SLC67A2: variants seen among roughly 807,000 people sequenced by gnomAD.
SLC67A2 encodes the protein solute carrier family 67 member A2.
the SLC67A2 span, among the ~76,000 whole-genome samples, chr2:102,720,097 C>A: frequency 1.3e-5 from 2 of 152,198 alleles, no homozygotes; most frequent in Non-Finnish European, 2.9e-5. Flanking sequence ...CATTCTAGGA[C>A]ATCCCTCCAA....
At chr2:102,736,515 T>C in the SLC67A2 span, 7 of 1,585,698 alleles carry the variant, frequency 4.4e-6, no homozygotes, top group Admixed American at 1.8e-5. Flanking sequence ...GCTTGATAGG[T>C]AGTGAGGCAC....
chr2:102,720,512 C>T, the SLC67A2 span, among the ~76,000 whole-genome samples: 144 of 152,222 alleles, frequency 9.5e-4, no homozygotes, highest in African/African-American at 2.4e-3. Flanking sequence ...TCATGGAGTT[C>T]GTAAGTGTGA....
the SLC67A2 span, chr2:102,736,617 T>G: frequency 1.9e-6 from 3 of 1,613,542 alleles, no homozygotes; most frequent in Non-Finnish European, 2.5e-6. Context: ...CAGTCAGCAC[T>G]TGCTCCCAGC....
the SLC67A2 span, chr2:102,736,844 G>T: frequency 1.9e-6 from 3 of 1,571,870 alleles, no homozygotes; most frequent in Non-Finnish European, 2.6e-6. Flanking sequence ...CGCAGCAGCA[G>T]CCGCGGACCT....
At chr2:102,719,366 T>C in the SLC67A2 span, among the ~76,000 whole-genome samples, 1 of 152,216 alleles carries the variant, frequency 6.6e-6, no homozygotes, top group African/African-American at 2.4e-5. Context: ...TCACCATTCC[T>C]ATGGCTTTAT....
the SLC67A2 span, chr2:102,716,960 A>G: frequency 6.6e-6 from 1 of 152,360 alleles, no homozygotes; most frequent in East Asian, 1.9e-4. Flanking sequence ...TTAGACAAGA[A>G]ATGGCACATC....
chr2:102,726,205 A>G, the SLC67A2 span, among the ~76,000 whole-genome samples: 3 of 152,228 alleles, frequency 2.0e-5, no homozygotes, highest in Admixed American at 2.0e-4. Flanking sequence ...AAAGGAGGCC[A>G]CAGGAAAGCT....
the SLC67A2 span, chr2:102,736,582 C>T: frequency 6.2e-7 from 1 of 1,612,992 alleles, no homozygotes; most frequent in South Asian, 1.1e-5. Context: ...GCTCCAAGAA[C>T]CGCCTGGGTC....
the SLC67A2 span, among the ~76,000 whole-genome samples, chr2:102,734,281 G>A: frequency 6.6e-6 from 1 of 152,150 alleles, no homozygotes; most frequent in Non-Finnish European, 1.5e-5. Flanking sequence ...AAGCTGATGG[G>A]ATGGAAAACA....
At chr2:102,714,917 G>A in the SLC67A2 span, among the ~76,000 whole-genome samples, 1 of 152,104 alleles carries the variant, frequency 6.6e-6, no homozygotes, top group Non-Finnish European at 1.5e-5. Flanking sequence ...TTTTCTGACT[G>A]GACTGATTCT....
chr2:102,717,125 C>T, the SLC67A2 span: 1 of 152,316 alleles, frequency 6.6e-6, no homozygotes, highest in South Asian at 2.1e-4. Flanking sequence ...CTCCGCCTCC[C>T]AGGTTCACGC....
chr2:102,719,304 A>G, the SLC67A2 span: 1 of 1,251,088 alleles, frequency 8.0e-7, no homozygotes, highest in Non-Finnish European at 1.1e-6. Flanking sequence ...TTAGATTACT[A>G]ATCTATATTT....
chr2:102,723,871 G>T, the SLC67A2 span: 1 of 1,614,086 alleles, frequency 6.2e-7, no homozygotes, highest in Admixed American at 1.7e-5. Flanking sequence ...ACATCAGAAA[G>T]TAGAGCCCTT....
chr2:102,719,150 A>T, the SLC67A2 span: 1 of 1,614,156 alleles, frequency 6.2e-7, no homozygotes, highest in East Asian at 2.2e-5. Flanking sequence ...TCGCAATGGC[A>T]GGCCCTTCTC....
the SLC67A2 span, among the ~76,000 whole-genome samples, chr2:102,722,157 T>C: frequency 6.6e-6 from 1 of 152,328 alleles, no homozygotes; most frequent in Non-Finnish European, 1.5e-5. Context: ...TGAAGAAAAT[T>C]AAGCTCTTTT....
the SLC67A2 span, among the ~76,000 whole-genome samples, chr2:102,724,546 G>A: frequency 4.7e-3 from 711 of 152,322 alleles, 1 homozygote; most frequent in South Asian, 0.016. Flanking sequence ...TATCTCTGCA[G>A]ATGGATTTGA....
At chr2:102,736,583 C>G in the SLC67A2 span, 23 of 1,612,904 alleles carry the variant, frequency 1.4e-5, no homozygotes, top group Non-Finnish European at 1.9e-5. Flanking sequence ...CTCCAAGAAC[C>G]GCCTGGGTCC....
At chr2:102,736,799 C>G in the SLC67A2 span, 1 of 1,610,392 alleles carries the variant, frequency 6.2e-7, no homozygotes, top group Non-Finnish European at 8.5e-7. Flanking sequence ...CCCAGTGACC[C>G]CCAAGCTCCA....
At chr2:102,736,453 T>C in the SLC67A2 span, 1 of 1,416,434 alleles carries the variant, frequency 7.1e-7, no homozygotes, top group East Asian at 2.5e-5. Context: ...CGAGGGGCAA[T>C]AAAGCAGTGT....
Sources: gnomAD v4.1 joint callset for allele counts (sites outside exome capture counted in the v4.1 genomes callset) on GRCh38, gnomAD v4.1.1 for gene constraint, MANE v1.5 for transcripts, NCBI Gene and HGNC (gene_info 2026-07-23, HGNC 2026-07-21) for gene names.